The following ROBO1 variants were observed in gnomAD, a reference collection of about 807,000 sequenced individuals.
ROBO1 encodes the protein roundabout guidance receptor 1.
A neutral mutation model predicts 195.9 loss-of-function variants in ROBO1; 149 were observed. The ratio of observed to expected loss-of-function variants is 0.76; its 90% CI spans 0.67 to 0.87. ROBO1 has a LOEUF of 0.87. ROBO1 is among the 40% of genes least tolerant of loss of function. ROBO1 has a pLI of 0.00. For missense variants in ROBO1, 1,933 were observed against 2,068.3 expected, an observed-to-expected ratio of 0.93 and a Z score of 1.27; for synonymous variants, 816 against 733.2, an observed-to-expected ratio of 1.11 and a Z score of -1.82.
At chr3:79,089,377 TC>T (rs2079434821) in intron 3 of ROBO1, among the ~76,000 whole-genome samples, 1 of 152,118 alleles carries the variant, frequency 6.6e-6, no homozygotes, top group South Asian at 2.1e-4. Context: ...AAAATAAACG[TC>T]ATCATTTTTA....
intron 1 of ROBO1, among the ~76,000 whole-genome samples, chr3:79,628,395 A>G (rs1945242571): frequency 1.3e-5 from 2 of 152,126 alleles, no homozygotes; most frequent in Admixed American, 1.3e-4. Context: ...AGAAAACCAA[A>G]CACCGCATGT....
intron 2 of ROBO1, among the ~76,000 whole-genome samples, chr3:79,494,914 T>C (rs777053492): frequency 1.5e-4 from 23 of 152,202 alleles, no homozygotes; most frequent in Non-Finnish European, 2.8e-4. Flanking sequence ...ATAATGATCC[T>C]ACCTGAAAAT....
chr3:78,672,717 C>T (rs183919978), intron 10 of ROBO1, among the ~76,000 whole-genome samples: 1 of 151,600 alleles, frequency 6.6e-6, no homozygotes, highest in Non-Finnish European at 1.5e-5. Context: ...AAAATGTTTA[C>T]ACTTACAGAC....
intron 2 of ROBO1, among the ~76,000 whole-genome samples, chr3:79,461,477 T>C (rs772694908): frequency 3.3e-5 from 5 of 151,842 alleles, no homozygotes; most frequent in Non-Finnish European, 7.4e-5. Context: ...CTTCTAGAGG[T>C]CTCCCCTAAG....
At position 78,883,496 on chromosome 3, in the gene ROBO1, C is replaced by T. The variant is rs1207932024; in HGVS notation, c.499+55105G>A. Among the ~76,000 whole-genome samples the T allele has an allele frequency of 1.3e-4, 20 of 151,822 alleles. 1 individual carries two copies. Among genetic ancestry groups the T allele is most frequent in the Admixed American group, 3.3e-4 (5 of 15,222 alleles). On this transcript the variant is annotated intron_variant, in intron 4 of 30. Transcript: ENST00000464233. ...TCCTGGCCTCAGGCAATCCTCCCAC[C>T]TCAGCCTCCTGAGTAGCTGGGACTA...
At chr3:79,201,578 C>T (rs1437215106) in intron 2 of ROBO1, among the ~76,000 whole-genome samples, 1 of 151,938 alleles carries the variant, frequency 6.6e-6, no homozygotes, top group Non-Finnish European at 1.5e-5. Flanking sequence ...AGCAGTATCT[C>T]CACATTTGTT....
At chr3:79,765,596 G>T (rs150179058) in intron 1 of ROBO1, among the ~76,000 whole-genome samples, 1 of 152,134 alleles carries the variant, frequency 6.6e-6, no homozygotes, top group Non-Finnish European at 1.5e-5. Context: ...ATACAAGTTT[G>T]GGCCTGAAAA....
At chr3:79,248,210 G>C (rs1334970545) in intron 2 of ROBO1, among the ~76,000 whole-genome samples, 2 of 151,820 alleles carry the variant, frequency 1.3e-5, no homozygotes, top group Non-Finnish European at 2.9e-5. Flanking sequence ...TTTTGAGATA[G>C]GTGATCCCTT....
intron 4 of ROBO1, among the ~76,000 whole-genome samples, chr3:78,898,853 A>G (rs1445261804): frequency 6.6e-6 from 1 of 152,146 alleles, no homozygotes; most frequent in Non-Finnish European, 1.5e-5. Context: ...TTCTTCTTAT[A>G]ACATGTCATG....
In ROBO1 at chr3:78,661,093, G is replaced by C. The variant is rs2107666974; in HGVS notation, c.2257C>G (p.Pro753Ala). 2 of 1,613,200 alleles carry C rather than the reference G, an allele frequency of 1.2e-6. No individual in the cohort carries two copies. The highest frequency in any genetic ancestry group is 1.1e-5 in the South Asian group (1 of 90,962). ...GCTCCTTGAAATTCATTAAAAAAAG[G>C]GCGAGCCTTAATTTCATAGTTGACT... Reference protein sequence around the residue: ...KGVNYEIKARPFFNEFQGADS... With the variant: ...KGVNYEIKARAFFNEFQGADS... Residue 753 changes from proline to alanine, a missense_variant, in exon 16 of 31, where the codon CCT (proline) becomes GCT (alanine). Coordinates refer to ENST00000464233, the MANE Select transcript of ROBO1 (RefSeq NM_002941.4).
intron 1 of ROBO1, among the ~76,000 whole-genome samples, chr3:79,617,833 A>AG (rs566766999): frequency 5.3e-5 from 8 of 150,754 alleles, no homozygotes; most frequent in Admixed American, 1.3e-4. Context: ...AAAAAAAAAA[A>AG]AAAAAAAGAG....
At chr3:78,652,196 G>C (rs1706708064) in intron 18 of ROBO1, among the ~76,000 whole-genome samples, 2 of 151,990 alleles carry the variant, frequency 1.3e-5, no homozygotes, top group South Asian at 4.1e-4. Flanking sequence ...TTCTCTTTTC[G>C]AACCAAAGAG....
intron 2 of ROBO1, among the ~76,000 whole-genome samples, chr3:79,540,967 C>CT (rs1942045258): frequency 6.6e-6 from 1 of 151,998 alleles, no homozygotes; most frequent in South Asian, 2.1e-4. Context: ...ATTTCTACTA[C>CT]TTTTTTTAGA....
intron 4 of ROBO1, among the ~76,000 whole-genome samples, chr3:78,829,301 T>C (rs1467865051): frequency 6.6e-6 from 1 of 152,208 alleles, no homozygotes; most frequent in Admixed American, 6.5e-5. Flanking sequence ...ACAGTTATTA[T>C]AACACTGTCA....
At chr3:79,723,447 A>T (rs2107308183) in intron 1 of ROBO1, among the ~76,000 whole-genome samples, 1 of 152,328 alleles carries the variant, frequency 6.6e-6, no homozygotes, top group African/African-American at 2.4e-5. Context: ...AGGCAATTTG[A>T]AGATGATTAG....
chr3:79,339,986 A>C (rs759725887), intron 2 of ROBO1, among the ~76,000 whole-genome samples: 1 of 152,132 alleles, frequency 6.6e-6, no homozygotes, highest in Non-Finnish European at 1.5e-5. Context: ...CAGGCCTATC[A>C]AGTTCCAACT....
intron 2 of ROBO1, among the ~76,000 whole-genome samples, chr3:79,406,438 GATAATA>G (rs1264459833): frequency 3.3e-5 from 5 of 151,256 alleles, no homozygotes; most frequent in African/African-American, 9.7e-5. Flanking sequence ...CTCAAAAAAA[GATAATA>G]ATAATAATAA....
intron 2 of ROBO1, 91 bp downstream of exon 2, chr3:79,589,733 A>C: frequency 9.5e-7 from 1 of 1,054,004 alleles, no homozygotes; most frequent in South Asian, 1.4e-5. Context: ...AAATGAACAA[A>C]CTTGATTTGC....
intron 2 of ROBO1, among the ~76,000 whole-genome samples, chr3:79,475,141 CT>C (rs201895676): frequency 3.3e-5 from 5 of 151,112 alleles, no homozygotes; most frequent in African/African-American, 4.9e-5. Context: ...AACTCAATTG[CT>C]TTTTTTTTAA....
Sources: allele counts gnomAD v4.1 joint callset (sites outside exome capture counted in the v4.1 genomes callset), GRCh38; gene constraint gnomAD v4.1.1; transcripts MANE v1.5; gene names NCBI Gene and HGNC (gene_info 2026-07-23, HGNC 2026-07-21).